XIRP2: variants seen among roughly 807,000 people sequenced by gnomAD.
The protein encoded by XIRP2 is xin actin binding repeat containing 2, also known as xin actin-binding repeat-containing protein 2.
Under a neutral mutation model 277.0 loss-of-function variants are expected in XIRP2, and 236 were observed. That is an observed-to-expected ratio of 0.85 (90% CI 0.77 to 0.95). XIRP2 has a LOEUF of 0.95. Ranked by LOEUF, XIRP2 falls within the 40% of genes least tolerant of loss-of-function variation. XIRP2 has a pLI of 0.00. For synonymous variants in XIRP2, 1,490 were observed against 1,416.5 expected (o/e 1.05, Z -1.17); for missense variants, 4,640 against 4,157.5 (o/e 1.12, Z -3.19).
At chr2:167,211,417 C>T (rs1035777765) in intron 4 of XIRP2, among the ~76,000 whole-genome samples, 1 of 152,156 alleles carries the variant, frequency 6.6e-6, no homozygotes, top group Admixed American at 6.5e-5. Context: ...CTTAACTTCT[C>T]TCTGAGCTTC....
chr2:167,106,723 T>C (rs910604671), intron 2 of XIRP2, among the ~76,000 whole-genome samples: 2 of 151,656 alleles, frequency 1.3e-5, no homozygotes, highest in African/African-American at 4.8e-5. Context: ...CTACAAAAAG[T>C]CTTGCTCTTT....
intron 2 of XIRP2, among the ~76,000 whole-genome samples, chr2:167,096,066 G>C (rs1168750163): frequency 7.0e-6 from 1 of 143,862 alleles, no homozygotes; most frequent in Non-Finnish European, 1.5e-5. Context: ...GTAGAGACTG[G>C]ATTTCACTGG....
intron 2 of XIRP2, among the ~76,000 whole-genome samples, chr2:167,099,706 G>T (rs1029072461): frequency 6.6e-6 from 1 of 152,102 alleles, no homozygotes; most frequent in Admixed American, 6.5e-5. Context: ...ATCTGGGCTG[G>T]ATAGCACCAT....
chr2:167,212,889 A>G (rs1281867301), intron 4 of XIRP2, among the ~76,000 whole-genome samples: 2 of 72,634 alleles, frequency 2.8e-5, no homozygotes, highest in East Asian at 9.9e-4. Context: ...TGTTCAAGCC[A>G]CCCCCCCACC....
intron 2 of XIRP2, among the ~76,000 whole-genome samples, chr2:166,983,164 T>G (rs1686918062): frequency 6.6e-6 from 1 of 152,154 alleles, no homozygotes; most frequent in Admixed American, 6.5e-5. Flanking sequence ...TAAAAAGTTT[T>G]TTTCATCTGT....
At chr2:166,931,195 C>T (rs1245616692) in intron 2 of XIRP2, among the ~76,000 whole-genome samples, 6 of 152,138 alleles carry the variant, frequency 3.9e-5, no homozygotes, top group Non-Finnish European at 5.9e-5. Context: ...CAAAGGCCCT[C>T]GTACTTGCAA....
At position 167,251,750 on chromosome 2, in the gene XIRP2, A is replaced by G. The variant is rs1422478128; in HGVS notation, c.10358A>G (p.His3453Arg). The G allele has an allele frequency of 6.2e-7, 1 of 1,613,400 alleles. No individual in the cohort carries two copies. Among genetic ancestry groups the G allele is most frequent in the South Asian group, 1.1e-5 (1 of 91,060 alleles). The stretch of plus-strand genomic sequence containing the variant: ...GGCAAATCTGGCTGTGACTTCAAGC[A>G]TGCCCCACCAACCTATGAGGATGTC... ...EAGKSGCDFK[H>R]APPTYEDVIA... The change falls in exon 9 of 11, where the codon CAT becomes CGT. Residue 3453 changes from histidine to arginine, a missense_variant. Physicochemically the swap from His to Arg is conservative, Grantham distance 29. Coordinates refer to ENST00000409195, the MANE Select transcript of XIRP2 (RefSeq NM_152381.6).
chr2:167,082,809 A>T (rs1389780974), intron 2 of XIRP2, among the ~76,000 whole-genome samples: 1 of 151,966 alleles, frequency 6.6e-6, no homozygotes, highest in Non-Finnish European at 1.5e-5. Context: ...TTTCTTGTAA[A>T]TCTGTTTCAG....
At chr2:167,157,950 G>A (rs1487809724) in intron 3 of XIRP2, among the ~76,000 whole-genome samples, 1 of 152,104 alleles carries the variant, frequency 6.6e-6, no homozygotes, top group Admixed American at 6.6e-5. Context: ...GTCTATGACA[G>A]CTGTTCCTCT....
intron 2 of XIRP2, among the ~76,000 whole-genome samples, chr2:167,093,629 C>A (rs1690213258): frequency 6.6e-6 from 1 of 152,048 alleles, no homozygotes; most frequent in South Asian, 2.1e-4. Context: ...GATCCATGTC[C>A]CTGCAAAGAA....
At chr2:167,074,635 C>A (rs113373430) in intron 2 of XIRP2, among the ~76,000 whole-genome samples, 1 of 149,476 alleles carries the variant, frequency 6.7e-6, no homozygotes, top group Non-Finnish European at 1.5e-5. Context: ...TGTGTGTGTG[C>A]GTGTGTGTGT....
intron 5 of XIRP2, among the ~76,000 whole-genome samples, chr2:167,226,783 T>G (rs528612882): frequency 6.6e-6 from 1 of 152,042 alleles, no homozygotes; most frequent in African/African-American, 2.4e-5. Flanking sequence ...TTCCCACATC[T>G]CTCTGGGCCT....
At chr2:166,904,763 C>T (rs556620270) in intron 2 of XIRP2, among the ~76,000 whole-genome samples, 17 of 152,074 alleles carry the variant, frequency 1.1e-4, no homozygotes, top group Admixed American at 5.2e-4. Context: ...GCAAAGTCCA[C>T]GCTTTTTTGT....
At chr2:166,965,886 T>G (rs1450654373) in intron 2 of XIRP2, among the ~76,000 whole-genome samples, 1 of 151,756 alleles carries the variant, frequency 6.6e-6, no homozygotes, top group African/African-American at 2.4e-5. Context: ...ATGCCTGGCC[T>G]CTAAGTTTGA....
chr2:166,968,567 G>A (rs982989574), intron 2 of XIRP2, among the ~76,000 whole-genome samples: 1 of 151,812 alleles, frequency 6.6e-6, no homozygotes, highest in Admixed American at 6.6e-5. Context: ...TAGAATCTTA[G>A]GCCATTAAAG....
chr2:166,998,922 C>G (rs188047605), intron 2 of XIRP2, among the ~76,000 whole-genome samples: 2 of 152,016 alleles, frequency 1.3e-5, no homozygotes, highest in African/African-American at 4.8e-5. Context: ...TTTGATGTAC[C>G]TCTGTTTATC....
At chr2:167,188,840 G>A (rs1414203842) in intron 3 of XIRP2, among the ~76,000 whole-genome samples, 1 of 152,080 alleles carries the variant, frequency 6.6e-6, no homozygotes, top group African/African-American at 2.4e-5. Context: ...TCTGGTGTTG[G>A]GCATCTTTAA....
chr2:167,196,596 C>T (rs983947065), intron 3 of XIRP2, among the ~76,000 whole-genome samples: 6 of 152,074 alleles, frequency 3.9e-5, no homozygotes, highest in African/African-American at 4.8e-5. Flanking sequence ...CTTTCTGTAA[C>T]GGCAACCTAG....
chr2:167,255,449 T>G (rs917158109), intron 10 of XIRP2, among the ~76,000 whole-genome samples: 10 of 151,776 alleles, frequency 6.6e-5, no homozygotes. Context: ...GCTCCTTCCT[T>G]TCCTTCATTC....
Sources: allele counts gnomAD v4.1 joint callset (sites outside exome capture counted in the v4.1 genomes callset), GRCh38; gene constraint gnomAD v4.1.1; transcripts MANE v1.5; gene names NCBI Gene and HGNC (gene_info 2026-07-23, HGNC 2026-07-21).